Variants in DEPDC5 observed in about 807,000 individuals in gnomAD.
DEPDC5 encodes DEP domain containing 5, GATOR1 subcomplex subunit.
In DEPDC5, 73 loss-of-function variants were observed where a neutral mutation model predicts 217.3. That is an observed-to-expected ratio of 0.34 (90% CI 0.28 to 0.41). DEPDC5 has a LOEUF of 0.41. Among genes scored for constraint, DEPDC5 ranks in the 10% least tolerant of loss-of-function variants. The pLI is 1.00. For synonymous variants in DEPDC5, 733 were observed against 756.7 expected (o/e 0.97, Z 0.51); for missense variants, 1,675 against 2,070.1 (o/e 0.81, Z 3.70).
chr22:31,873,950 G>A (rs1471846960), intron 35 of DEPDC5: 3 of 282,228 alleles, frequency 1.1e-5, no homozygotes, highest in Non-Finnish European at 2.0e-5. Flanking sequence ...CCGCCACCAC[G>A]CCCAGCTGAT....
chr22:31,888,395 G>A (rs1437065758), intron 38 of DEPDC5, among the ~76,000 whole-genome samples: 10 of 149,782 alleles, frequency 6.7e-5, no homozygotes, highest in South Asian at 2.1e-4. Context: ...GATTACAGGC[G>A]TGCACCACCA....
At position 31,821,984 on chromosome 22, in the gene DEPDC5, G is replaced by T. The variant is rs149171660; in HGVS notation, c.2006+347G>T. ...TGGAATGCTGAGACAGGAGATTCATGCTGTGTGTTTTGGGCAACCTCTCTG... is the reference window on the plus strand; with the variant it reads ...TGGAATGCTGAGACAGGAGATTCATTCTGTGTGTTTTGGGCAACCTCTCTG... On this transcript the variant is annotated intron_variant, in intron 23 of 42. Transcript: ENST00000651528. Among the ~76,000 whole-genome samples the T allele has an allele frequency of 3.0e-3, 453 of 152,324 alleles. 5 individuals carry two copies. The highest frequency in any genetic ancestry group is 0.01 in the African/African-American group (431 of 41,562).
chr22:31,776,728 C>T (rs1167866062), intron 7 of DEPDC5, among the ~76,000 whole-genome samples: 1 of 151,830 alleles, frequency 6.6e-6, no homozygotes, highest in East Asian at 1.9e-4. Context: ...TACCCACCAC[C>T]ATGCCCATTT....
rs1396374516 is a variant in DEPDC5, at chr22:31,802,768, G to A, written c.1011G>A (p.Thr337=). ...DRTGQMSVVI[T]PGVGVFEVDR... The stretch of plus-strand genomic sequence containing the variant: ...CTGGGCAGATGTCAGTGGTGATCAC[G>A]CCCGGGGTGGGTGTCTTTGAAGTGG... The change falls in exon 15 of 43, where the codon ACG becomes ACA. Residue 337 remains threonine, a synonymous_variant. Coordinates refer to ENST00000651528, the MANE Select transcript of DEPDC5 (RefSeq NM_001242896.3). 3.7e-6 allele frequency: 6 copies of A among 1,605,910 alleles called. No homozygotes were observed. Among genetic ancestry groups the A allele is most frequent in the African/African-American group, 2.7e-5 (2 of 74,626 alleles).
intron 24 of DEPDC5, among the ~76,000 whole-genome samples, chr22:31,831,769 T>C (rs1339561333): frequency 2.6e-5 from 4 of 152,204 alleles, no homozygotes; most frequent in Admixed American, 1.3e-4. Context: ...ATAAAAAAAT[T>C]AGTTATTTAA....
intron 38 of DEPDC5, among the ~76,000 whole-genome samples, chr22:31,883,735 C>A (rs959131626): frequency 1.3e-5 from 2 of 152,234 alleles, no homozygotes; most frequent in African/African-American, 4.8e-5. Context: ...GAAGCCTGAA[C>A]TCCAAGCACA....
chr22:31,873,097 A>G, intron 34 of DEPDC5, 158 bp from the exon 35 acceptor site: 1 of 1,419,816 alleles, frequency 7.0e-7, no homozygotes, highest in Non-Finnish European at 9.5e-7. Flanking sequence ...CTATGAGATA[A>G]CCCCCTGATA....
intron 8 of DEPDC5, among the ~76,000 whole-genome samples, chr22:31,780,333 G>A (rs5998123): frequency 0.1 from 15,240 of 152,186 alleles, 833 homozygotes; most frequent in Admixed American, 0.14. Context: ...TAGGTAGATG[G>A]TGGTGCCATT....
intron 36 of DEPDC5, 64 bp from the exon 37 acceptor site, chr22:31,876,093 A>G: frequency 6.7e-7 from 1 of 1,482,370 alleles, no homozygotes; most frequent in Non-Finnish European, 9.4e-7. Context: ...CCAGAGCATG[A>G]CTGAGGGCTG....
intron 7 of DEPDC5, among the ~76,000 whole-genome samples, chr22:31,773,538 G>T (rs1014252857): frequency 1.3e-5 from 2 of 152,064 alleles, no homozygotes; most frequent in African/African-American, 4.8e-5. Flanking sequence ...CTGATATTTT[G>T]CTCAGGCTTG....
intron 7 of DEPDC5, chr22:31,769,894 G>C (rs987390872): frequency 1.3e-5 from 2 of 151,452 alleles, no homozygotes; most frequent in Middle Eastern, 3.2e-3. Context: ...CTACACTCCA[G>C]CCTGGATGAC....
intron 38 of DEPDC5, among the ~76,000 whole-genome samples, chr22:31,883,990 G>C (rs564341375): frequency 6.6e-6 from 1 of 152,068 alleles, no homozygotes; most frequent in Admixed American, 6.6e-5. Flanking sequence ...ACCAGGACCT[G>C]TAACCAATTG....
intron 7 of DEPDC5, among the ~76,000 whole-genome samples, chr22:31,770,061 A>G (rs1392753727): frequency 1.3e-5 from 2 of 150,146 alleles, no homozygotes; most frequent in Non-Finnish European, 3.0e-5. Flanking sequence ...AATAGTCTCT[A>G]AAAAAAAGAG....
chr22:31,770,738 G>A (rs910065469), intron 7 of DEPDC5, among the ~76,000 whole-genome samples: 1 of 151,178 alleles, frequency 6.6e-6, no homozygotes, highest in Non-Finnish European at 1.5e-5. Context: ...CTTGTTCAGT[G>A]GGGTCACAGG....
At chr22:31,791,108 CCAGCTACTCGGGAA>C (rs1010165604) in intron 10 of DEPDC5, among the ~76,000 whole-genome samples, 4 of 152,072 alleles carry the variant, frequency 2.6e-5, no homozygotes, top group African/African-American at 9.7e-5. Flanking sequence ...TGTCTGTAGT[CCAGCTACTCGGGAA>C]CTGGGAGACA....
chr22:31,856,157 A>ACG (rs2092287660), intron 31 of DEPDC5, among the ~76,000 whole-genome samples: 1 of 129,858 alleles, frequency 7.7e-6, no homozygotes, highest in South Asian at 2.4e-4. Flanking sequence ...GCCAACGCGC[A>ACG]CACACACACA....
chr22:31,796,266 A>G (rs190436626), intron 12 of DEPDC5, among the ~76,000 whole-genome samples: 13 of 151,712 alleles, frequency 8.6e-5, no homozygotes, highest in Non-Finnish European at 1.6e-4. Context: ...ACACCCGGCT[A>G]ATTTTTTTTG....
intron 5 of DEPDC5, 56 bp downstream of exon 5, chr22:31,765,116 G>A: frequency 7.3e-7 from 1 of 1,360,716 alleles, no homozygotes; most frequent in Non-Finnish European, 1.1e-6. Context: ...CTTCCTCAAG[G>A]TTAGATTACT....
chr22:31,840,048 G>T (rs542347054), intron 27 of DEPDC5, among the ~76,000 whole-genome samples: 2 of 152,286 alleles, frequency 1.3e-5, no homozygotes, highest in Admixed American at 1.3e-4. Flanking sequence ...CACTTACTCT[G>T]CCTGGCTGGG....
Sources: allele counts gnomAD v4.1 joint callset (sites outside exome capture counted in the v4.1 genomes callset), GRCh38; gene constraint gnomAD v4.1.1; transcripts MANE v1.5; gene names NCBI Gene and HGNC (gene_info 2026-07-23, HGNC 2026-07-21).